Variants in TMEM132B observed in about 807,000 individuals in gnomAD.
TMEM132B encodes the protein transmembrane protein 132B.
In TMEM132B, 18 loss-of-function variants were observed where a neutral mutation model predicts 90.8. The ratio of observed to expected loss-of-function variants is 0.20; its 90% confidence interval spans 0.14 to 0.29. TMEM132B has a LOEUF of 0.29. Ranked by LOEUF, TMEM132B falls within the 10% of genes least tolerant of loss-of-function variation. The pLI, the probability that TMEM132B is intolerant of heterozygous loss-of-function variation, is 1.00. For missense variants in TMEM132B, 1,096 were observed against 1,326.8 expected, an observed-to-expected ratio of 0.83 and a Z score of 2.70; for synonymous variants, 504 against 523.3, an observed-to-expected ratio of 0.96 and a Z score of 0.50.
chr12:125,517,222 G>A (rs1287733794), intron 3 of TMEM132B, among the ~76,000 whole-genome samples: 1 of 150,274 alleles, frequency 6.7e-6, no homozygotes, highest in Non-Finnish European at 1.5e-5. Context: ...GTGCAGCGGT[G>A]TGATCTCAGC....
chr12:125,529,041 CCTT>C (rs1883574885), intron 4 of TMEM132B, among the ~76,000 whole-genome samples: 1 of 149,302 alleles, frequency 6.7e-6, no homozygotes, highest in African/African-American at 2.5e-5. Flanking sequence ...CCTCCCTCCT[CCTT>C]CTTCCTTTTT....
chr12:125,609,806 G>A (rs1375483687), intron 5 of TMEM132B, among the ~76,000 whole-genome samples: 23 of 102,336 alleles, frequency 2.2e-4, no homozygotes, highest in African/African-American at 9.3e-4. Flanking sequence ...GACAGAGTGA[G>A]ACTCTGTCTC....
At chr12:125,431,588 G>A (rs1004034544) in intron 3 of TMEM132B, among the ~76,000 whole-genome samples, 4 of 152,106 alleles carry the variant, frequency 2.6e-5, no homozygotes, top group Admixed American at 1.3e-4. Flanking sequence ...GTGGGCCACG[G>A]CTGCTTTTCT....
chr12:125,316,127 C>G (rs949944804), intron 1 of TMEM132B, among the ~76,000 whole-genome samples: 13 of 152,220 alleles, frequency 8.5e-5, no homozygotes, highest in Non-Finnish European at 1.8e-4. Flanking sequence ...CTCATTACCT[C>G]CTCTTCTGTC....
intron 5 of TMEM132B, among the ~76,000 whole-genome samples, chr12:125,596,827 T>A (rs1885450725): frequency 6.6e-6 from 1 of 152,202 alleles, no homozygotes; most frequent in African/African-American, 2.4e-5. Flanking sequence ...GTCTAACAAA[T>A]GACAAATATT....
rs1460039025 is a variant in TMEM132B, at chr12:125,257,282, G to T, written c.67+70416G>T. Among the ~76,000 whole-genome samples, 8 of 152,200 alleles carry T rather than the reference G, an allele frequency of 5.3e-5. No homozygotes were observed. The East Asian group carries it at 1.5e-3, about 29-fold the overall frequency. On this transcript the variant is annotated intron_variant, in intron 1 of 8. Transcript: ENST00000682704. ...GATCATGCCACTGCACTTCAGGCCG[G>T]GCAACAGAGAAAGACCGTCTCTGAA... is the stretch of plus-strand genomic sequence containing the variant.
chr12:125,617,966 AAC>A (rs898725114), intron 5 of TMEM132B, among the ~76,000 whole-genome samples: 3 of 142,448 alleles, frequency 2.1e-5, no homozygotes, highest in African/African-American at 8.1e-5. Flanking sequence ...AAAAAAAAAA[AAC>A]TCCATTATTT....
intron 5 of TMEM132B, among the ~76,000 whole-genome samples, chr12:125,614,007 A>G (rs1172022044): frequency 1.3e-5 from 2 of 152,160 alleles, no homozygotes; most frequent in Non-Finnish European, 2.9e-5. Context: ...GCCCAACAAT[A>G]TAATTGTATA....
intron 1 of TMEM132B, among the ~76,000 whole-genome samples, chr12:125,188,040 G>A (rs1231177601): frequency 6.6e-6 from 1 of 152,150 alleles, no homozygotes; most frequent in African/African-American, 2.4e-5. Context: ...TTGCAGTTAG[G>A]AGCAAACCTG....
intron 2 of TMEM132B, among the ~76,000 whole-genome samples, chr12:125,381,797 C>T (rs1878692171): frequency 6.6e-6 from 1 of 152,138 alleles, no homozygotes; most frequent in Admixed American, 6.5e-5. Context: ...GATCAGGGTC[C>T]CTCCTGCTGG....
intron 1 of TMEM132B, among the ~76,000 whole-genome samples, chr12:125,329,437 T>C (rs1280730582): frequency 6.6e-6 from 1 of 152,180 alleles, no homozygotes; most frequent in African/African-American, 2.4e-5. Context: ...TAGGGCTGAG[T>C]CACTCACCAG....
Position 125,656,260 on chromosome 12 carries a change from G to T in TMEM132B, c.*1550G>T, listed in dbSNP as rs1413294527. ...AGCCATTTGCATCTCTAAGAAATAT[G>T]ATTTTAAAGGCCCAAAGTAGGAAGG... On this transcript the variant is annotated 3_prime_UTR_variant, in exon 9 of 9. Coordinates refer to ENST00000682704, the MANE Select transcript of TMEM132B (RefSeq NM_001366854.1). 1 of 152,154 alleles carries T rather than the reference G, an allele frequency of 6.6e-6. No homozygotes were observed. The highest frequency in any genetic ancestry group is 1.5e-5 in the Non-Finnish European group (1 of 68,040). 9.4% of individuals were successfully genotyped at this position (152,154 alleles called of 1,614,324 possible).
chr12:125,488,139 TAGAC>T (rs1452136498), intron 3 of TMEM132B, among the ~76,000 whole-genome samples: 2 of 152,180 alleles, frequency 1.3e-5, no homozygotes, highest in Non-Finnish European at 2.9e-5. Flanking sequence ...CTTAATTTGA[TAGAC>T]AGTATCTTCT....
rs375204784 is a variant in TMEM132B, at chr12:125,586,422, A to C, written c.1437+2428A>C. On this transcript the variant is annotated intron_variant, in intron 5 of 8. Coordinates refer to ENST00000682704, the MANE Select transcript of TMEM132B (RefSeq NM_001366854.1). ...TAAAAGAGATAAATGTAAAATTTCA[A>C]GTTGACAACTATAGTAGTCCTTCCT... is the stretch of plus-strand genomic sequence containing the variant. 6.9e-4 allele frequency: 105 copies of C among 152,368 alleles called. 2 individuals carry two copies. Among genetic ancestry groups the C allele is most frequent in the African/African-American group, 2.5e-3 (104 of 41,584 alleles). The allele number at this position is 152,368 out of a possible 1,614,324, so 9.4% of individuals were successfully genotyped here.
chr12:125,294,290 T>G (rs1469325616), intron 1 of TMEM132B, among the ~76,000 whole-genome samples: 1 of 152,236 alleles, frequency 6.6e-6, no homozygotes, highest in African/African-American at 2.4e-5. Context: ...GGAATAGGCA[T>G]GCTTGCATTG....
intron 1 of TMEM132B, among the ~76,000 whole-genome samples, chr12:125,242,565 T>G (rs1313470534): frequency 6.6e-6 from 1 of 152,218 alleles, no homozygotes; most frequent in South Asian, 2.1e-4. Flanking sequence ...ATGCAAAGCC[T>G]GAGGACATCC....
chr12:125,203,429 A>G (rs1474261562), intron 1 of TMEM132B, among the ~76,000 whole-genome samples: 1 of 152,228 alleles, frequency 6.6e-6, no homozygotes, highest in Non-Finnish European at 1.5e-5. Flanking sequence ...CTTCATAGAA[A>G]TGACACATCA....
intron 4 of TMEM132B, among the ~76,000 whole-genome samples, chr12:125,557,854 G>A (rs542505270): frequency 3.3e-5 from 5 of 152,266 alleles, no homozygotes; most frequent in Non-Finnish European, 7.4e-5. Flanking sequence ...CTTTAGGGAT[G>A]ATGTTTGAGT....
At chr12:125,640,065 G>C (rs1287623794) in intron 5 of TMEM132B, among the ~76,000 whole-genome samples, 1 of 152,204 alleles carries the variant, frequency 6.6e-6, no homozygotes, top group Non-Finnish European at 1.5e-5. Context: ...CCCTGCAGCA[G>C]TTCCTGTCGT....
Sources: allele counts gnomAD v4.1 joint callset (sites outside exome capture counted in the v4.1 genomes callset), GRCh38; gene constraint gnomAD v4.1.1; transcripts MANE v1.5; gene names NCBI Gene and HGNC (gene_info 2026-07-23, HGNC 2026-07-21).